LAMB4: variants seen among roughly 807,000 people sequenced by gnomAD.
The protein encoded by LAMB4 is laminin subunit beta 4, also known as laminin subunit beta-4.
A neutral mutation model predicts 199.2 loss-of-function variants in LAMB4; 196 were observed. That is an observed-to-expected ratio of 0.98 (90% confidence interval 0.88 to 1.11). The LOEUF is 1.11. Ranked by LOEUF, LAMB4 falls within the 50% of genes least tolerant of loss-of-function variation. LAMB4 has a pLI of 0.00. For synonymous variants in LAMB4, 744 were observed against 770.6 expected (o/e 0.97, Z 0.57); for missense variants, 2,080 against 2,171.2 (o/e 0.96, Z 0.83).
intron 13 of LAMB4, 94 bp from the exon 14 acceptor site, chr7:108,091,870 A>G (rs1167596521): frequency 4.9e-6 from 6 of 1,224,088 alleles, no homozygotes; most frequent in Admixed American, 2.0e-5. Flanking sequence ...CTGAGTTTGG[A>G]GCAATCCTTA....
chr7:108,080,877 A>G (rs1452563286), intron 14 of LAMB4, among the ~76,000 whole-genome samples: 1 of 151,948 alleles, frequency 6.6e-6, no homozygotes, highest in Non-Finnish European at 1.5e-5. Context: ...TAATCCCAGC[A>G]CTTTGGGAGG....
At chr7:108,069,975 A>T (rs1323604154) in intron 17 of LAMB4, 90 bp from the exon 18 acceptor site, 8 of 1,042,662 alleles carry the variant, frequency 7.7e-6, no homozygotes, top group Non-Finnish European at 1.1e-5. Context: ...CTATGAAAAT[A>T]ATGGTTCAAA....
intron 17 of LAMB4, among the ~76,000 whole-genome samples, chr7:108,073,162 C>T (rs539867832): frequency 2.8e-4 from 43 of 152,314 alleles, no homozygotes; most frequent in Admixed American, 3.3e-4. Context: ...AACACCACCA[C>T]GCCCAGCTAA....
chr7:108,125,342 T>C (rs1254946429), intron 1 of LAMB4, among the ~76,000 whole-genome samples: 6 of 152,224 alleles, frequency 3.9e-5, no homozygotes, highest in Admixed American at 3.3e-4. Context: ...CTAATCCTGA[T>C]GCTGTCCTGT....
In LAMB4 at chr7:108,107,818, G is replaced by T. The variant is rs773880354; in HGVS notation, c.404C>A (p.Thr135Asn). 6.3e-7 allele frequency: 1 copy of T among 1,575,276 alleles called. No individual in the cohort carries two copies. The highest frequency in any genetic ancestry group is 2.0e-5 in the Admixed American group (1 of 49,124). The change falls in exon 6 of 34, where the codon ACT becomes AAT. Residue 135 changes from threonine to asparagine, a missense_variant and splice_region_variant. Thr to Asn is a moderately conservative substitution (Grantham distance 65). Transcript: ENST00000388781. ...AACTAACATTGCAGCAGGCCGAAAA[G>T]TCTAGGAAAAATGAGTAAAAGTTGG... ...RFSHLILTFK[T>N]FRPAAMLVER...
In LAMB4 at chr7:108,098,461, G is replaced by A. The variant is rs144471516; in HGVS notation, c.1302C>T (p.Cys434=). 305 of 1,556,652 alleles carry A rather than the reference G, an allele frequency of 2.0e-4. 1 individual carries two copies. In the African/African-American group the frequency reaches 4.3e-3, roughly 22 times the overall value. ...CGTAGTGGTTGGGTTTGCACTGGTCGCATTTGGCTCCTTCCACGTTCTCTT... is the reference window on the plus strand; with the variant it reads ...CGTAGTGGTTGGGTTTGCACTGGTCACATTTGGCTCCTTCCACGTTCTCTT... The part of the protein sequence containing the change: ...LCKENVEGAK[C]DQCKPNHYGL... The change falls in exon 11 of 34, where the codon TGC becomes TGT. Residue 434 remains cysteine (C), a synonymous_variant. Transcript: ENST00000388781.
chr7:108,104,510 T>C lies in LAMB4; in HGVS notation c.980A>G (p.Asn327Ser), dbSNP rs2037930520. The C allele has an allele frequency of 6.2e-7, 1 of 1,614,066 alleles. No homozygotes were observed. Among genetic ancestry groups the C allele is most frequent in the Non-Finnish European group, 8.5e-7 (1 of 1,180,028 alleles). The stretch of plus-strand genomic sequence containing the variant: ...TGAGTTTCACCCACATCTGCAAGCG[T>C]TGTCCTGGAGGTCTGCAGCTGGCCT... ...PWRPAADLQD[N>S]ACRSCSCNSH... The change falls in exon 9 of 34, where the codon AAC (asparagine) becomes AGC (serine). Residue 327 changes from asparagine to serine, a missense_variant. Transcript: ENST00000388781.
In LAMB4 at chr7:108,066,709, C is replaced by T. The variant is rs946603437; in HGVS notation, c.2447-109G>A. 4.3e-5 allele frequency: 30 copies of T among 700,304 alleles called. No homozygotes were observed. In the African/African-American group the frequency reaches 4.8e-4, roughly 11 times the overall value. 43.4% of individuals were successfully genotyped at this position (700,304 alleles called of 1,614,324 possible). ...CCTTTCCCAATCCCAGTGAACTAAG[C>T]AAGCCTGTAACGTGCTTAGGACACA... On this transcript the variant is annotated intron_variant, in intron 19 of 33. Transcript: ENST00000388781.
At chr7:108,037,063 T>C (rs1236359858) in intron 30 of LAMB4, among the ~76,000 whole-genome samples, 3 of 152,060 alleles carry the variant, frequency 2.0e-5, no homozygotes, top group Admixed American at 2.0e-4. Context: ...GGAAAAACTA[T>C]ACCAATATTC....
chr7:108,084,089 G>A (rs2037068287), intron 14 of LAMB4, among the ~76,000 whole-genome samples: 1 of 152,236 alleles, frequency 6.6e-6, no homozygotes, highest in East Asian at 1.9e-4. Flanking sequence ...GCAATGCAGG[G>A]GCTCCAGCCC....
At chr7:108,074,172 A>C (rs1352168530) in intron 17 of LAMB4, among the ~76,000 whole-genome samples, 2 of 151,936 alleles carry the variant, frequency 1.3e-5, no homozygotes, top group Non-Finnish European at 2.9e-5. Flanking sequence ...ACCCTCAATA[A>C]ATCACATCTA....
intron 33 of LAMB4, among the ~76,000 whole-genome samples, chr7:108,028,440 C>T (rs958818725): frequency 6.6e-6 from 1 of 151,800 alleles, no homozygotes; most frequent in Non-Finnish European, 1.5e-5. Flanking sequence ...ACATCTCACC[C>T]CCCGTTGAGA....
At chr7:108,026,376 G>C (rs1563025506) in intron 33 of LAMB4, among the ~76,000 whole-genome samples, 1 of 152,026 alleles carries the variant, frequency 6.6e-6, no homozygotes, top group Non-Finnish European at 1.5e-5. Context: ...TCTCACTCTT[G>C]TGGTGCCCTG....
At chr7:108,104,712 ACC>A in intron 8 of LAMB4, 93 bp from the exon 9 acceptor site, 1 of 1,434,558 alleles carries the variant, frequency 7.0e-7, no homozygotes, top group Non-Finnish European at 9.5e-7. Flanking sequence ...AGGTCCTGGT[ACC>A]TCTCTGATCC....
At chr7:108,095,492 T>C (rs1369156476) in intron 11 of LAMB4, among the ~76,000 whole-genome samples, 155 bp from the exon 12 acceptor site, 1 of 152,216 alleles carries the variant, frequency 6.6e-6, no homozygotes, top group Non-Finnish European at 1.5e-5. Flanking sequence ...TGATTATTGT[T>C]TTGCATATAA....
At chr7:108,026,511 A>T (rs2034843190) in intron 33 of LAMB4, 1 of 170,784 alleles carries the variant, frequency 5.9e-6, no homozygotes, top group South Asian at 1.4e-4. Context: ...CCCAGGTGAG[A>T]CCTGTCGAAG....
intron 17 of LAMB4, among the ~76,000 whole-genome samples, chr7:108,071,938 T>C (rs2036547814): frequency 6.6e-6 from 1 of 152,154 alleles, no homozygotes; most frequent in Non-Finnish European, 1.5e-5. Context: ...TCTGAACTTT[T>C]TTTTTTTTTT....
At chr7:108,021,380 A>G (rs1313753514), downstream of LAMB4, among the ~76,000 whole-genome samples, 7 of 152,092 alleles carry the variant, frequency 4.6e-5, no homozygotes, top group Non-Finnish European at 1.0e-4. Context: ...TGAGTGCTAT[A>G]TTTTGTTTGG....
At chr7:108,030,490 A>G (rs766747328) in intron 32 of LAMB4, among the ~76,000 whole-genome samples, 1 of 152,222 alleles carries the variant, frequency 6.6e-6, no homozygotes, top group African/African-American at 2.4e-5. Flanking sequence ...TACAATACAG[A>G]CAAACAACAT....
Sources: gnomAD v4.1 joint callset for allele counts (sites outside exome capture counted in the v4.1 genomes callset) on GRCh38, gnomAD v4.1.1 for gene constraint, MANE v1.5 for transcripts, NCBI Gene and HGNC (gene_info 2026-07-23, HGNC 2026-07-21) for gene names.